Variants in ENTPD4 observed in about 807,000 individuals in gnomAD.
ENTPD4 encodes ectonucleoside triphosphate diphosphohydrolase 4, also known as Golgi UDPase.
ENTPD4 carries 60 observed loss-of-function variants against 79.1 expected under a neutral mutation model. That is an observed-to-expected ratio of 0.76 (90% confidence interval 0.62 to 0.94). The LOEUF is 0.94. Ranked by LOEUF, ENTPD4 falls within the 40% of genes least tolerant of loss-of-function variation. The pLI is 0.00. For synonymous variants in ENTPD4, 276 were observed against 292.0 expected (o/e 0.95, Z 0.56); for missense variants, 772 against 775.1 (o/e 1.00, Z 0.05).
rs1168094327 is a variant in ENTPD4, at chr8:23,432,834, A to C, written c.*92T>G. ...TTTGTTTGGAGGAACAAAAAAGGGAAAGAAAAAACAAAACCACAGGAAAAT... is the reference window on the plus strand; with the variant it reads ...TTTGTTTGGAGGAACAAAAAAGGGACAGAAAAAACAAAACCACAGGAAAAT... On this transcript the variant is annotated 3_prime_UTR_variant, in exon 13 of 13. Coordinates refer to ENST00000358689, the MANE Select transcript of ENTPD4 (RefSeq NM_004901.5). The C allele has an allele frequency of 6.9e-7, 1 of 1,453,100 alleles. No individual in the cohort carries two copies. Among genetic ancestry groups the C allele is most frequent in the Non-Finnish European group, 9.1e-7 (1 of 1,101,946 alleles). 90.0% of individuals were successfully genotyped at this position (1,453,100 alleles called of 1,614,324 possible). A position where few individuals can be genotyped will look rare whatever the true frequency, so the allele number is the denominator to read the frequency against.
At chr8:23,434,251 G>A in intron 12 of ENTPD4, 66 bp downstream of exon 12, 1 of 1,579,822 alleles carries the variant, frequency 6.3e-7, no homozygotes, top group Non-Finnish European at 8.7e-7. Context: ...GACCACAGCT[G>A]CCATGAGGTG....
In ENTPD4 at chr8:23,433,064, G is replaced by A; in HGVS notation, c.1713C>T (p.Phe571=). Residue 571 remains phenylalanine, a synonymous_variant, in exon 13 of 13, where the codon TTC becomes TTT. Coordinates refer to ENST00000358689, the MANE Select transcript of ENTPD4 (RefSeq NM_004901.5). The part of the protein sequence containing the change: ...VYNHYLFSGC[F]LVVLLAILLY... ...GCAGGATGGCCAGCAGCACCACCAGGAAGCAGCCAGAGAACAGGTAGTGGT... is the reference window on the plus strand; with the variant it reads ...GCAGGATGGCCAGCAGCACCACCAGAAAGCAGCCAGAGAACAGGTAGTGGT... 6.2e-7 allele frequency: 1 copy of A among 1,614,190 alleles called. No individual in the cohort carries two copies. The highest frequency in any genetic ancestry group is 8.5e-7 in the Non-Finnish European group (1 of 1,180,050).
intron 6 of ENTPD4, among the ~76,000 whole-genome samples, chr8:23,442,371 G>A (rs1800687851): frequency 6.6e-6 from 1 of 152,144 alleles, no homozygotes; most frequent in African/African-American, 2.4e-5. Flanking sequence ...TGTTAAACCT[G>A]TCAAATCCAA....
Position 23,429,711 on chromosome 8 carries a change from C to A in ENTPD4, c.*3215G>T, listed in dbSNP as rs938928320. ...AACTGGTGGTGAAAAGAGGGACCTACCCAGCCTTCAGGGTGGCTGGGCAGG... is the reference window on the plus strand; with the variant it reads ...AACTGGTGGTGAAAAGAGGGACCTAACCAGCCTTCAGGGTGGCTGGGCAGG... On this transcript the variant is annotated 3_prime_UTR_variant, in exon 13 of 13. Coordinates refer to ENST00000358689, the MANE Select transcript of ENTPD4 (RefSeq NM_004901.5). 15 of 985,312 alleles carry A rather than the reference C, an allele frequency of 1.5e-5. No homozygotes were observed. The highest frequency in any genetic ancestry group is 1.8e-5 in the Non-Finnish European group (15 of 829,934). The allele number at this position is 985,312 out of a possible 1,614,324, so 61.0% of individuals were successfully genotyped here. A position where few individuals can be genotyped will look rare whatever the true frequency, so the allele number is the denominator to read the frequency against.
rs769733336 is a variant in ENTPD4 at position 23,444,467 on chromosome 8, G to A, written c.552C>T (p.Ile184=). The change falls in exon 5 of 13, where the codon ATC becomes ATT. Residue 184 remains isoleucine, a synonymous_variant. Transcript: ENST00000358689. ...LYILCTAGMR[I]LPESQQKAIL... is the part of the protein sequence containing the mutation. ...CTGTGGAGGATCACCTTTCGGGGAGGATTCTCATTCCAGCCGTGCAGAGAA... is the reference window on the plus strand; with the variant it reads ...CTGTGGAGGATCACCTTTCGGGGAGAATTCTCATTCCAGCCGTGCAGAGAA... 6.2e-7 allele frequency: 1 copy of A among 1,613,876 alleles called. No individual in the cohort carries two copies. Among genetic ancestry groups the A allele is most frequent in the East Asian group, 2.2e-5 (1 of 44,856 alleles).
rs868544278 is a variant in ENTPD4 at position 23,442,147 on chromosome 8, C to T, written c.668-81G>A. ...CTCCTATCTGCGCAGTCTGTGCAAA[C>T]GTCTCACTTATTTCACTCCCTGATA... On this transcript the variant is annotated intron_variant, in intron 6 of 12. Coordinates refer to ENST00000358689, the MANE Select transcript of ENTPD4 (RefSeq NM_004901.5). 5.3e-6 allele frequency: 5 copies of T among 943,582 alleles called. No homozygotes were observed. In the South Asian group the frequency reaches 5.6e-5, roughly 11 times the overall value. The allele number at this position is 943,582 out of a possible 1,614,324, so 58.5% of individuals were successfully genotyped here.
At position 23,431,527 on chromosome 8, in the gene ENTPD4, T is replaced by C. The variant is rs1275995778; in HGVS notation, c.*1399A>G. 4 of 985,354 alleles carry C rather than the reference T, an allele frequency of 4.1e-6. No homozygotes were observed. The highest frequency in any genetic ancestry group is 4.8e-6 in the Non-Finnish European group (4 of 829,946). The allele number at this position is 985,354 out of a possible 1,614,324, so 61.0% of individuals were successfully genotyped here. A position where few individuals can be genotyped will look rare whatever the true frequency, so the allele number is the denominator to read the frequency against. On this transcript the variant is annotated 3_prime_UTR_variant, in exon 13 of 13. Transcript: ENST00000358689. ...GGCTTAAATTGTCGAATTTTTTCCT[T>C]CAAAATGTGAATTTATTTCCTGTAT... is the stretch of plus-strand genomic sequence containing the variant.
chr8:23,449,070 G>T, intron 2 of ENTPD4, 131 bp from the exon 3 acceptor site: 1 of 667,390 alleles, frequency 1.5e-6, no homozygotes, highest in Non-Finnish European at 2.6e-6. Flanking sequence ...CTGTATACTG[G>T]CATCTTGCAT....
intron 3 of ENTPD4, 68 bp downstream of exon 3, chr8:23,448,674 G>T: frequency 7.7e-7 from 1 of 1,305,124 alleles, no homozygotes; most frequent in Non-Finnish European, 1.1e-6. Flanking sequence ...TTCTGTTCCA[G>T]CAGCCTAAAA....
intron 9 of ENTPD4, among the ~76,000 whole-genome samples, chr8:23,438,481 A>G (rs962839568): frequency 2.6e-5 from 4 of 152,376 alleles, no homozygotes; most frequent in South Asian, 4.1e-4. Flanking sequence ...AATTCATGAC[A>G]TATGAAACAC....
At chr8:23,436,081 A>G (rs999027007) in intron 10 of ENTPD4, among the ~76,000 whole-genome samples, 4 of 152,316 alleles carry the variant, frequency 2.6e-5, no homozygotes, top group Admixed American at 1.3e-4. Context: ...AGGGAGCACA[A>G]GGAAAAAGCA....
At chr8:23,448,256 A>C (rs1049723818) in intron 3 of ENTPD4, among the ~76,000 whole-genome samples, 7 of 152,212 alleles carry the variant, frequency 4.6e-5, no homozygotes, top group Admixed American at 4.6e-4. Flanking sequence ...CTAGCTTCAA[A>C]TGGTTTAACT....
intron 1 of ENTPD4, among the ~76,000 whole-genome samples, chr8:23,456,255 T>C (rs1382722575): frequency 6.6e-6 from 1 of 152,242 alleles, no homozygotes; most frequent in Non-Finnish European, 1.5e-5. Flanking sequence ...CCACACAAGC[T>C]GTCTCCATGC....
intron 5 of ENTPD4, 46 bp from the exon 6 acceptor site, chr8:23,443,999 G>C (rs962582122): frequency 1.5e-5 from 20 of 1,305,280 alleles, no homozygotes; most frequent in Non-Finnish European, 2.0e-5. Flanking sequence ...TTACAGCTTG[G>C]TATCTTCTGT....
Position 23,447,850 on chromosome 8 carries a change from T to A in ENTPD4, c.242A>T (p.Asp81Val), listed in dbSNP as rs1563227318. The A allele has an allele frequency of 6.2e-7, 1 of 1,614,212 alleles. No individual in the cohort carries two copies. The highest frequency in any genetic ancestry group is 8.5e-7 in the Non-Finnish European group (1 of 1,180,026). ...ATAGTTCACATTGGGGTTATTGGTG[T>A]CTGTAGCTTCAATGTCGGTAACTCG... ...LARVTDIEAT[D>V]TNNPNVNYGI... Residue 81 changes from aspartate (D) to valine (V), a missense_variant, in exon 4 of 13, where the codon GAC becomes GTC. Transcript: ENST00000358689.
At chr8:23,453,311 G>A (rs969597104) in intron 1 of ENTPD4, among the ~76,000 whole-genome samples, 1 of 152,086 alleles carries the variant, frequency 6.6e-6, no homozygotes, top group African/African-American at 2.4e-5. Flanking sequence ...TGATCTAGAC[G>A]TTTAAATGGA....
intron 9 of ENTPD4, among the ~76,000 whole-genome samples, chr8:23,439,409 T>C (rs1563223824): frequency 1.3e-5 from 2 of 152,180 alleles, no homozygotes; most frequent in Non-Finnish European, 2.9e-5. Flanking sequence ...CCACGAGTGC[T>C]CCAGATACTG....
At chr8:23,449,293 C>T (rs1285529321) in intron 2 of ENTPD4, among the ~76,000 whole-genome samples, 2 of 152,092 alleles carry the variant, frequency 1.3e-5, no homozygotes, top group Admixed American at 1.3e-4. Context: ...ATCATGAAAT[C>T]GAGTGTAAGG....
At position 23,451,559 on chromosome 8, in the gene ENTPD4, A is replaced by G. The variant is rs190503835; in HGVS notation, c.-97-1562T>C. On this transcript the variant is annotated intron_variant, in intron 1 of 12. Coordinates refer to ENST00000358689, the MANE Select transcript of ENTPD4 (RefSeq NM_004901.5). ...CCACCCCTTGCTCAGGACCCCGATC[A>G]GATTACTTCTGTACTCAGAAATCCT... Among the ~76,000 whole-genome samples the G allele has an allele frequency of 4.3e-3, 648 of 152,268 alleles. 6 individuals carry two copies. The highest frequency in any genetic ancestry group is 0.022 in the South Asian group (108 of 4,810).
Sources: gnomAD v4.1 joint callset for allele counts (sites outside exome capture counted in the v4.1 genomes callset) on GRCh38, gnomAD v4.1.1 for gene constraint, MANE v1.5 for transcripts, NCBI Gene and HGNC (gene_info 2026-07-23, HGNC 2026-07-21) for gene names.